Variants in CTNNA3 observed in about 807,000 individuals in gnomAD.
CTNNA3 encodes catenin alpha 3.
Under a neutral mutation model 95.7 loss-of-function variants are expected in CTNNA3, and 76 were observed. The observed-to-expected ratio is 0.79, with a 90% CI of 0.66 to 0.96. CTNNA3 has a LOEUF of 0.96. Ranked by LOEUF, CTNNA3 falls within the 40% of genes least tolerant of loss-of-function variation. The pLI, the probability that CTNNA3 is intolerant of heterozygous loss-of-function variation, is 0.00. For missense variants in CTNNA3, 1,191 were observed against 1,089.8 expected, an observed-to-expected ratio of 1.09 and a Z score of -1.31; for synonymous variants, 431 against 374.4, an observed-to-expected ratio of 1.15 and a Z score of -1.74.
chr10:66,930,536 A>G (rs1446941515), intron 7 of CTNNA3, among the ~76,000 whole-genome samples: 4 of 152,074 alleles, frequency 2.6e-5, no homozygotes, highest in African/African-American at 9.7e-5. Flanking sequence ...AAAGTGAAGA[A>G]CCCCATTTCT....
chr10:67,192,111 T>G lies in CTNNA3; in HGVS notation c.844-11591A>C, dbSNP rs1021932538. On this transcript the variant is annotated intron_variant, in intron 6 of 17. Transcript: ENST00000433211. Reference sequence around the variant, plus strand: ...AAATGGATAAAAGACATAACTGTAATGCCTGAAACTGTAAAACTCCTAGAA... The same window carrying G: ...AAATGGATAAAAGACATAACTGTAAGGCCTGAAACTGTAAAACTCCTAGAA... 3.9e-5 allele frequency among the ~76,000 whole-genome samples: 6 copies of G among 152,064 alleles called. No individual in the cohort carries two copies. In the South Asian group the frequency reaches 1.0e-3, roughly 26 times the overall value.
At position 66,284,573 on chromosome 10, in the gene CTNNA3, A is replaced by G. The variant is rs944231820; in HGVS notation, c.1733-3952T>C. On this transcript the variant is annotated intron_variant, in intron 12 of 17. Transcript: ENST00000433211. ...GCTTCTGTCTGGTAGTAGCCCAAAAATATTTCATCCCTTCTTAATCCTTGA... is the reference window on the plus strand; with the variant it reads ...GCTTCTGTCTGGTAGTAGCCCAAAAGTATTTCATCCCTTCTTAATCCTTGA... Among the ~76,000 whole-genome samples the G allele has an allele frequency of 3.0e-4, 46 of 152,012 alleles. 1 individual carries two copies. The highest frequency in any genetic ancestry group is 1.1e-3 in the African/African-American group (45 of 41,524).
chr10:66,341,356 G>A (rs1054823607), intron 12 of CTNNA3, among the ~76,000 whole-genome samples: 3 of 151,840 alleles, frequency 2.0e-5, no homozygotes, highest in African/African-American at 7.2e-5. Context: ...AATAAATTCA[G>A]TGAAAGCAAA....
chr10:65,942,388 G>A (rs1244021525), intron 17 of CTNNA3, among the ~76,000 whole-genome samples: 2 of 152,230 alleles, frequency 1.3e-5, no homozygotes, highest in East Asian at 1.9e-4. Context: ...TTAGCCAGGT[G>A]TGGTGGCAGG....
chr10:65,947,334 T>A (rs1399779464), intron 17 of CTNNA3, among the ~76,000 whole-genome samples: 1 of 152,200 alleles, frequency 6.6e-6, no homozygotes, highest in African/African-American at 2.4e-5. Flanking sequence ...AACAATTAGA[T>A]GAAATATATC....
At chr10:66,422,681 T>C (rs560996754) in intron 11 of CTNNA3, among the ~76,000 whole-genome samples, 4 of 152,298 alleles carry the variant, frequency 2.6e-5, no homozygotes, top group African/African-American at 9.6e-5. Flanking sequence ...ATTGCAGATA[T>C]CGCTTTGATT....
intron 13 of CTNNA3, among the ~76,000 whole-genome samples, chr10:66,208,139 G>A (rs1429313360): frequency 1.3e-5 from 2 of 152,028 alleles, no homozygotes; most frequent in Non-Finnish European, 2.9e-5. Context: ...CAATAGATGA[G>A]GCTCAGGAAA....
intron 7 of CTNNA3, among the ~76,000 whole-genome samples, chr10:67,133,369 A>ACATATATT (rs58079183): frequency 5.8e-5 from 8 of 138,308 alleles, no homozygotes; most frequent in Non-Finnish European, 1.2e-4. Context: ...ATACATACAT[A>ACATATATT]TATATATATA....
At chr10:67,358,410 C>T (rs1005559862) in intron 5 of CTNNA3, among the ~76,000 whole-genome samples, 3 of 152,038 alleles carry the variant, frequency 2.0e-5, no homozygotes, top group Non-Finnish European at 4.4e-5. Flanking sequence ...ATGGGGTAAA[C>T]CATCACACTT....
At chr10:66,824,058 T>TC (rs397687923) in intron 7 of CTNNA3, among the ~76,000 whole-genome samples, 1 of 151,466 alleles carries the variant, frequency 6.6e-6, no homozygotes, top group Non-Finnish European at 1.5e-5. Context: ...TTTTTTTTTT[T>TC]CCTAGAGAGT....
intron 12 of CTNNA3, among the ~76,000 whole-genome samples, chr10:66,341,716 C>T (rs971220018): frequency 6.6e-6 from 1 of 151,760 alleles, no homozygotes; most frequent in Non-Finnish European, 1.5e-5. Context: ...TTGCCTTTAC[C>T]TTTTCATATT....
chr10:66,891,333 G>C (rs1489182065), intron 7 of CTNNA3, among the ~76,000 whole-genome samples: 1 of 152,180 alleles, frequency 6.6e-6, no homozygotes, highest in African/African-American at 2.4e-5. Context: ...ATCAGTCTAA[G>C]TCAATTTAAG....
chr10:67,204,123 T>G (rs1863776498), intron 6 of CTNNA3, among the ~76,000 whole-genome samples: 1 of 150,852 alleles, frequency 6.6e-6, no homozygotes, highest in Non-Finnish European at 1.5e-5. Flanking sequence ...CTCTTAGACC[T>G]AAAAGTATTT....
chr10:66,306,450 C>A (rs925593620), intron 12 of CTNNA3, among the ~76,000 whole-genome samples: 5 of 151,482 alleles, frequency 3.3e-5, no homozygotes, highest in South Asian at 2.1e-4. Flanking sequence ...CTCAATAATG[C>A]ACTTTATGCT....
intron 7 of CTNNA3, among the ~76,000 whole-genome samples, chr10:67,145,863 C>A (rs929342228): frequency 1.3e-5 from 2 of 152,128 alleles, no homozygotes; most frequent in African/African-American, 4.8e-5. Flanking sequence ...GCAAATATCT[C>A]TAATATTTAT....
At chr10:66,539,877 T>C (rs932209612) in intron 10 of CTNNA3, among the ~76,000 whole-genome samples, 3 of 152,144 alleles carry the variant, frequency 2.0e-5, no homozygotes, top group East Asian at 1.9e-4. Context: ...AGGTTATTCA[T>C]AGGCACATTA....
At chr10:67,440,427 A>C (rs1006571612) in intron 5 of CTNNA3, among the ~76,000 whole-genome samples, 1 of 152,136 alleles carries the variant, frequency 6.6e-6, no homozygotes, top group Non-Finnish European at 1.5e-5. Context: ...TCCACTCTGA[A>C]GGGAAGGACA....
chr10:67,165,574 A>C (rs1861732861), intron 7 of CTNNA3, among the ~76,000 whole-genome samples: 1 of 152,190 alleles, frequency 6.6e-6, no homozygotes, highest in South Asian at 2.1e-4. Flanking sequence ...CTATATAGGA[A>C]ACTGGGCAAA....
At chr10:67,630,989 C>T (rs1050346085) in intron 2 of CTNNA3, among the ~76,000 whole-genome samples, 1 of 152,128 alleles carries the variant, frequency 6.6e-6, no homozygotes, top group Admixed American at 6.6e-5. Flanking sequence ...CATGATCTAG[C>T]AGTTTATATC....
Sources: gnomAD v4.1 joint callset for allele counts (sites outside exome capture counted in the v4.1 genomes callset) on GRCh38, gnomAD v4.1.1 for gene constraint, MANE v1.5 for transcripts, NCBI Gene and HGNC (gene_info 2026-07-23, HGNC 2026-07-21) for gene names.